The following CDC20B variants were observed in gnomAD, a reference collection of about 807,000 sequenced individuals.
CDC20B encodes cell division cycle 20B, also known as cell division cycle protein 20 homolog B.
In CDC20B, 58 loss-of-function variants were observed where a neutral mutation model predicts 64.1. The observed-to-expected ratio is 0.90, with a 90% CI of 0.73 to 1.13. The LOEUF is 1.13. Ranked by LOEUF, CDC20B falls within the 50% of genes most tolerant of loss-of-function variation. The pLI, the probability that CDC20B is intolerant of heterozygous loss-of-function variation, is 0.00. For synonymous variants in CDC20B, 243 were observed against 230.6 expected (o/e 1.05, Z -0.49); for missense variants, 597 against 633.0 (o/e 0.94, Z 0.61).
intron 2 of CDC20B, among the ~76,000 whole-genome samples, chr5:55,169,436 G>A (rs918790476): frequency 6.6e-6 from 1 of 152,174 alleles, no homozygotes; most frequent in Non-Finnish European, 1.5e-5. Flanking sequence ...GCAAATGTCC[G>A]CACAAGAATA....
chr5:55,160,697 G>A, intron 2 of CDC20B: 1 of 447,566 alleles, frequency 2.2e-6, no homozygotes. Flanking sequence ...TAAAAGTATT[G>A]GTTCTATAAT....
At position 55,124,924 on chromosome 5, in the gene CDC20B, G is replaced by A. The variant is rs776934199; in HGVS notation, c.1094C>T (p.Pro365Leu). Reference protein sequence around the residue: ...KQAVCALKWSPDGRLLSSGCS... With the variant: ...KQAVCALKWSLDGRLLSSGCS... ...GCCGCTGGAAAGCAGCCTGCCATCCGGTGACCACTTCAGAGCACACACAGC... is the reference window on the plus strand; with the variant it reads ...GCCGCTGGAAAGCAGCCTGCCATCCAGTGACCACTTCAGAGCACACACAGC... Residue 365 changes from proline (P) to leucine (L), a missense_variant, in exon 9 of 12, where the codon CCG (proline) becomes CTG (leucine). Pro to Leu is a moderately conservative substitution (Grantham distance 98). Around this residue, in one of 3 missense-constraint regions of CDC20B, gnomAD observed 353 missense variants for 397.0 expected, o/e 0.89. Transcript: ENST00000381375. 53 of 1,614,024 alleles carry A rather than the reference G, an allele frequency of 3.3e-5. No individual in the cohort carries two copies. Among genetic ancestry groups the A allele is most frequent in the South Asian group, 8.8e-5 (8 of 91,080 alleles).
At chr5:55,150,046 C>T (rs548737400) in intron 2 of CDC20B, among the ~76,000 whole-genome samples, 83 of 152,208 alleles carry the variant, frequency 5.5e-4, no homozygotes, top group African/African-American at 2.0e-3. Flanking sequence ...ACAAGAGAAT[C>T]GCTTGAACCC....
chr5:55,144,410 T>G (rs1743416892), intron 3 of CDC20B, among the ~76,000 whole-genome samples: 1 of 152,190 alleles, frequency 6.6e-6, no homozygotes, highest in East Asian at 1.9e-4. Context: ...CACTTGTTCA[T>G]CACAGGAGCC....
chr5:55,146,476 C>G lies in CDC20B; in HGVS notation c.355+152G>C. 9.9e-6 allele frequency: 6 copies of G among 606,470 alleles called. No homozygotes were observed. The South Asian group carries it at 1.3e-4, about 13-fold the overall frequency. The allele number at this position is 606,470 out of a possible 1,614,324, so 37.6% of individuals were successfully genotyped here. ...TTTCCTTTGTTTTTGTGTCATTTCT[C>G]CCCACCTTGGAAATTTCTTATTCAA... On this transcript the variant is annotated intron_variant, in intron 3 of 11. Coordinates refer to ENST00000381375, the MANE Select transcript of CDC20B (RefSeq NM_001170402.1).
At chr5:55,128,648 T>C in intron 6 of CDC20B, 31 bp from the exon 7 acceptor site, 1 of 1,438,738 alleles carries the variant, frequency 7.0e-7, no homozygotes, top group Admixed American at 2.8e-5. Flanking sequence ...ATTAGTATAA[T>C]TATACAGCCA....
At chr5:55,167,982 T>C (rs1308966152) in intron 2 of CDC20B, among the ~76,000 whole-genome samples, 2 of 152,246 alleles carry the variant, frequency 1.3e-5, no homozygotes, top group African/African-American at 4.8e-5. Flanking sequence ...TAGTGAGCCA[T>C]GATTGCACCA....
intron 2 of CDC20B, among the ~76,000 whole-genome samples, chr5:55,147,142 T>C (rs1743508371): frequency 1.4e-5 from 2 of 144,126 alleles, no homozygotes; most frequent in South Asian, 4.2e-4. Context: ...TGTTGTTTTA[T>C]ATATTTATAT....
At chr5:55,144,203 A>G (rs1743412296) in intron 3 of CDC20B, among the ~76,000 whole-genome samples, 1 of 152,124 alleles carries the variant, frequency 6.6e-6, no homozygotes, top group African/African-American at 2.4e-5. Flanking sequence ...TTTCTATTGC[A>G]GAAAGATGTT....
intron 2 of CDC20B, among the ~76,000 whole-genome samples, chr5:55,162,144 C>G (rs1229096893): frequency 6.6e-6 from 1 of 150,730 alleles, no homozygotes; most frequent in African/African-American, 2.4e-5. Flanking sequence ...GCCTGTAATC[C>G]CAGCACTTTA....
At chr5:55,122,771 C>T (rs565776314) in intron 9 of CDC20B, among the ~76,000 whole-genome samples, 1 of 152,312 alleles carries the variant, frequency 6.6e-6, no homozygotes, top group African/African-American at 2.4e-5. Context: ...TCAGCCCACA[C>T]AACATGAAGA....
intron 2 of CDC20B, among the ~76,000 whole-genome samples, chr5:55,159,401 C>T (rs1743922906): frequency 6.6e-6 from 1 of 152,112 alleles, no homozygotes; most frequent in Non-Finnish European, 1.5e-5. Context: ...TTTAAAAATG[C>T]AACAGGTGGG....
intron 2 of CDC20B, chr5:55,164,339 G>A (rs2111584081): frequency 1.8e-6 from 1 of 553,930 alleles, no homozygotes; most frequent in East Asian, 3.4e-5. Context: ...GTGCAGTAGT[G>A]CGTTCTCAGC....
chr5:55,146,841 T>G lies in CDC20B; in HGVS notation c.142A>C (p.Asn48His). The change falls in exon 3 of 12, where the codon AAT becomes CAT. Residue 48 changes from asparagine to histidine, a missense_variant. This residue lies in a region of CDC20B where 241 missense variants were observed against 219.2 expected (regional missense o/e 1.10). Transcript: ENST00000381375. Reference protein sequence around the residue: ...QDSANVLDSVNATYSDFKSNF... With the variant: ...QDSANVLDSVHATYSDFKSNF... ...CTCTTAAAGTCAGAATACGTAGCATTAACTGAATCGAGTACCTGTTTAACA... is the reference window on the plus strand; with the variant it reads ...CTCTTAAAGTCAGAATACGTAGCATGAACTGAATCGAGTACCTGTTTAACA... 6.2e-7 allele frequency: 1 copy of G among 1,614,008 alleles called. No homozygotes were observed.
chr5:55,162,893 G>GGA (rs1437333636), intron 2 of CDC20B, among the ~76,000 whole-genome samples: 1 of 152,176 alleles, frequency 6.6e-6, no homozygotes, highest in African/African-American at 2.4e-5. Context: ...AGAGCCCAAA[G>GGA]GTTAAGAGCA....
chr5:55,172,282 G>A (rs577910140), intron 2 of CDC20B: 64 of 302,480 alleles, frequency 2.1e-4, no homozygotes, highest in Admixed American at 7.7e-4. Context: ...GCAACAGAGA[G>A]GAGTGCAACT....
At chr5:55,166,729 G>GA (rs1332646529) in intron 2 of CDC20B, 4 of 152,222 alleles carry the variant, frequency 2.6e-5, no homozygotes, top group African/African-American at 9.7e-5. Flanking sequence ...GACTGTAACA[G>GA]AAAAATATCA....
At chr5:55,156,731 G>A (rs550060885) in intron 2 of CDC20B, among the ~76,000 whole-genome samples, 2 of 152,020 alleles carry the variant, frequency 1.3e-5, no homozygotes, top group African/African-American at 2.4e-5. Context: ...AAAATTAGCC[G>A]GGCATTTTGG....
At chr5:55,161,806 C>A (rs2111562949) in intron 2 of CDC20B, among the ~76,000 whole-genome samples, 1 of 152,294 alleles carries the variant, frequency 6.6e-6, no homozygotes, top group African/African-American at 2.4e-5. Flanking sequence ...ATTAAGCTAG[C>A]TACAGAAATC....
Sources: gnomAD v4.1 joint callset for allele counts (sites outside exome capture counted in the v4.1 genomes callset) on GRCh38, gnomAD v4.1.1 for gene constraint, gnomAD v4.1.1 regional missense constraint, MANE v1.5 for transcripts, NCBI Gene and HGNC (gene_info 2026-07-23, HGNC 2026-07-21) for gene names.